The following SERBP1 variants were observed in gnomAD, a reference collection of about 807,000 sequenced individuals.
The protein encoded by SERBP1 is SERPINE1 mRNA binding protein 1.
In SERBP1, 6 loss-of-function variants were observed where a neutral mutation model predicts 50.2. That is an observed-to-expected ratio of 0.12 (90% CI 0.07 to 0.24). SERBP1 has a LOEUF of 0.24. Among genes scored for constraint, SERBP1 ranks in the 10% least tolerant of loss-of-function variants. The pLI, the probability that SERBP1 is intolerant of heterozygous loss-of-function variation, is 1.00. For synonymous variants in SERBP1, 168 were observed against 182.8 expected (o/e 0.92, Z 0.65); for missense variants, 346 against 524.9 (o/e 0.66, Z 3.33).
intron 5 of SERBP1, among the ~76,000 whole-genome samples, chr1:67,422,504 C>A (rs1400054247): frequency 6.6e-6 from 1 of 151,114 alleles, no homozygotes; most frequent in Non-Finnish European, 1.5e-5. Context: ...GAGCAAAACT[C>A]CATCTCAAAA....
At chr1:67,413,343 G>C (rs1366308958) in intron 7 of SERBP1, 80 bp from the exon 8 acceptor site, 1 of 1,289,318 alleles carries the variant, frequency 7.8e-7, no homozygotes, top group Admixed American at 3.2e-5. Flanking sequence ...CATTAAGACA[G>C]AACTCTAAAA....
intron 5 of SERBP1, chr1:67,420,658 T>C (rs1471646918): frequency 6.5e-6 from 1 of 152,782 alleles, no homozygotes; most frequent in Non-Finnish European, 1.5e-5. Flanking sequence ...TTTTGGAATA[T>C]AAAAGAACTG....
chr1:67,408,460 T>G lies in SERBP1; in HGVS notation c.*4747A>C, dbSNP rs1060083. On this transcript the variant is annotated 3_prime_UTR_variant, in exon 8 of 8. Transcript: ENST00000361219. ...TCGGTAAATCATTTTCTAACTTGTG[T>G]GGGTAACTTTTTCCCTTCCATTTAG... The G allele has an allele frequency of 2.6e-5, 4 of 152,008 alleles. No homozygotes were observed. The South Asian group carries it at 8.3e-4, about 32-fold the overall frequency. 9.4% of individuals were successfully genotyped at this position (152,008 alleles called of 1,614,324 possible). A position where few individuals can be genotyped will look rare whatever the true frequency, so the allele number is the denominator to read the frequency against.
At chr1:67,420,259 TTTAA>T in intron 5 of SERBP1, 73 bp from the exon 6 acceptor site, 1 of 1,224,174 alleles carries the variant, frequency 8.2e-7, no homozygotes, top group Admixed American at 2.5e-5. Context: ...AATTTATGAT[TTTAA>T]TTGAGAAAAT....
At chr1:67,418,600 AAC>A (rs1302627906) in intron 6 of SERBP1, among the ~76,000 whole-genome samples, 3 of 151,998 alleles carry the variant, frequency 2.0e-5, no homozygotes, top group African/African-American at 7.2e-5. Flanking sequence ...CTCTACTAAA[AAC>A]ACAAACATTA....
rs1666684929 is a variant in SERBP1 at position 67,407,837 on chromosome 1, G to A, written c.*5370C>T. On this transcript the variant is annotated 3_prime_UTR_variant, in exon 8 of 8. Transcript: ENST00000361219. Reference sequence around the variant, plus strand: ...CCCAAAATAAAACAAAAATTTACTTGGACGTTATTCATTGGCTAATAGAAC... The same window carrying A: ...CCCAAAATAAAACAAAAATTTACTTAGACGTTATTCATTGGCTAATAGAAC... 1 of 152,120 alleles carries A rather than the reference G, an allele frequency of 6.6e-6. No homozygotes were observed. The highest frequency in any genetic ancestry group is 6.6e-5 in the Admixed American group (1 of 15,264). 9.4% of individuals were successfully genotyped at this position (152,120 alleles called of 1,614,324 possible).
intron 5 of SERBP1, among the ~76,000 whole-genome samples, chr1:67,423,525 T>A (rs1667272086): frequency 6.6e-6 from 1 of 151,838 alleles, no homozygotes; most frequent in African/African-American, 2.4e-5. Context: ...AAGGATCATT[T>A]GAGCCCAGGA....
chr1:67,412,905 G>A lies in SERBP1; in HGVS notation c.*302C>T. On this transcript the variant is annotated 3_prime_UTR_variant, in exon 8 of 8. Coordinates refer to ENST00000361219, the MANE Select transcript of SERBP1 (RefSeq NM_001018069.2). ...TGTTCACACCTATATTTCAAGTTTGGAAATGCATATTTGCAAGCAGCAATA... is the reference window on the plus strand; with the variant it reads ...TGTTCACACCTATATTTCAAGTTTGAAAATGCATATTTGCAAGCAGCAATA... The A allele has an allele frequency of 2.6e-6, 1 of 378,196 alleles. No individual in the cohort carries two copies. Among genetic ancestry groups the A allele is most frequent in the Non-Finnish European group, 4.7e-6 (1 of 212,452 alleles). The allele number at this position is 378,196 out of a possible 1,614,324, so 23.4% of individuals were successfully genotyped here.
In SERBP1 at chr1:67,424,907, T is replaced by C. The variant is rs781705745; in HGVS notation, c.676A>G (p.Thr226Ala). 6.2e-6 allele frequency: 10 copies of C among 1,612,116 alleles called. No homozygotes were observed. Among genetic ancestry groups the C allele is most frequent in the Non-Finnish European group, 8.5e-6 (10 of 1,179,710 alleles). ...ACCAACGTTAATTCGTCTTTGACAGTTCCCCAGTTGTGAGATCCGCTACCT... is the reference window on the plus strand; with the variant it reads ...ACCAACGTTAATTCGTCTTTGACAGCTCCCCAGTTGTGAGATCCGCTACCT... ...RGGSGSHNWG[T>A]VKDELTDLDQ... Residue 226 changes from threonine (T) to alanine (A), a missense_variant, in exon 4 of 8, where the codon ACT (threonine) becomes GCT (alanine). Thr to Ala is a moderately conservative substitution (Grantham distance 58). This residue lies in a region of SERBP1 where 257 missense variants were observed against 331.2 expected (regional missense o/e 0.78). Coordinates refer to ENST00000361219, the MANE Select transcript of SERBP1 (RefSeq NM_001018069.2).
At chr1:67,418,581 A>T (rs1667101796) in intron 6 of SERBP1, among the ~76,000 whole-genome samples, 1 of 151,956 alleles carries the variant, frequency 6.6e-6, no homozygotes, top group African/African-American at 2.4e-5. Flanking sequence ...CAACATGATG[A>T]AACCTCATCT....
At chr1:67,414,155 G>A (rs980417913) in intron 7 of SERBP1, among the ~76,000 whole-genome samples, 1 of 152,164 alleles carries the variant, frequency 6.6e-6, no homozygotes, top group Non-Finnish European at 1.5e-5. Flanking sequence ...ATGTGAATTC[G>A]CATTGTTCAG....
intron 1 of SERBP1, among the ~76,000 whole-genome samples, chr1:67,427,312 T>G (rs531475776): frequency 1.2e-4 from 19 of 152,214 alleles, no homozygotes; most frequent in Non-Finnish European, 2.4e-4. Context: ...AAATTATTGG[T>G]GCCCATAAGG....
At chr1:67,416,009 AC>A (rs907810250) in intron 6 of SERBP1, among the ~76,000 whole-genome samples, 4 of 128,432 alleles carry the variant, frequency 3.1e-5, no homozygotes, top group African/African-American at 1.1e-4. Context: ...TGTCACAGGA[AC>A]CTTTTTTTTT....
In SERBP1 at chr1:67,430,001, C is replaced by G; in HGVS notation, c.300G>C (p.Ala100=). The change falls in exon 1 of 8, where the codon GCG becomes GCC. Residue 100 remains alanine (A), a synonymous_variant. Coordinates refer to ENST00000361219, the MANE Select transcript of SERBP1 (RefSeq NM_001018069.2). ...DKKEETQPPV[A]LKKEGIRRVG... ...CCCCTGCTTTACCTTCTTTCTTAAG[C>G]GCCACGGGCGGCTGCGTCTCCTCTT... 6.2e-7 allele frequency: 1 copy of G among 1,608,848 alleles called. No individual in the cohort carries two copies.
At chr1:67,428,493 T>C (rs1283831718) in intron 1 of SERBP1, among the ~76,000 whole-genome samples, 2 of 152,182 alleles carry the variant, frequency 1.3e-5, no homozygotes, top group African/African-American at 2.4e-5. Flanking sequence ...AGCTTAAGCA[T>C]AGTTTAAATA....
At chr1:67,424,061 G>T in intron 5 of SERBP1, 139 bp downstream of exon 5, 1 of 770,130 alleles carries the variant, frequency 1.3e-6, no homozygotes, top group Non-Finnish European at 2.0e-6. Flanking sequence ...TACTCTTTGA[G>T]GGATGAGGGT....
chr1:67,424,185 C>A lies in SERBP1; in HGVS notation c.773+15G>T, dbSNP rs552111265. On this transcript the variant is annotated intron_variant, in intron 5 of 7. Transcript: ENST00000361219. ...TCAATTCTGGGTCATTACTATTACA[C>A]GCAATACCACTTACTTATTTTCAGT... is the stretch of plus-strand genomic sequence containing the variant. 1.2e-6 allele frequency: 2 copies of A among 1,602,652 alleles called. No individual in the cohort carries two copies. Among genetic ancestry groups the A allele is most frequent in the Non-Finnish European group, 8.5e-7 (1 of 1,176,746 alleles).
rs971935403 is a variant in SERBP1 at position 67,421,025 on chromosome 1, A to T, written c.774-839T>A. ...TGGGGAGCCCTGCTTCTTTCCAAAGATAGCAGGTGATTCAGTTAGCCTTAG... is the reference window on the plus strand; with the variant it reads ...TGGGGAGCCCTGCTTCTTTCCAAAGTTAGCAGGTGATTCAGTTAGCCTTAG... On this transcript the variant is annotated intron_variant, in intron 5 of 7. Transcript: ENST00000361219. 3.3e-5 allele frequency among the ~76,000 whole-genome samples: 5 copies of T among 152,298 alleles called. No individual in the cohort carries two copies. The East Asian group carries it at 9.6e-4, about 29-fold the overall frequency.
chr1:67,423,511 G>A (rs1379309953), intron 5 of SERBP1, among the ~76,000 whole-genome samples: 4 of 151,744 alleles, frequency 2.6e-5, no homozygotes, highest in African/African-American at 4.8e-5. Flanking sequence ...GGAGGCTGAC[G>A]TGGAAGGATC....
Sources: gnomAD v4.1 joint callset for allele counts (sites outside exome capture counted in the v4.1 genomes callset) on GRCh38, gnomAD v4.1.1 for gene constraint, gnomAD v4.1.1 regional missense constraint, MANE v1.5 for transcripts, NCBI Gene and HGNC (gene_info 2026-07-23, HGNC 2026-07-21) for gene names.